The following C4orf51 variants were observed in gnomAD, a reference collection of about 807,000 sequenced individuals.
C4orf51 encodes uncharacterized protein C4orf51.
In C4orf51, 25 loss-of-function variants were observed where a neutral mutation model predicts 25.2. The ratio of observed to expected loss-of-function variants is 0.99; its 90% CI spans 0.72 to 1.39. The LOEUF is 1.39. Ranked by LOEUF, C4orf51 falls within the 40% of genes most tolerant of loss-of-function variation. The probability of loss-of-function intolerance (pLI) is 0.00; values close to 1 mark genes in which losing one functional copy is unlikely to be tolerated. For synonymous variants in C4orf51, 100 were observed against 84.5 expected (o/e 1.18, Z -1.01); for missense variants, 252 against 239.6 (o/e 1.05, Z -0.34).
chr4:145,721,848 C>G (rs181591455), intron 2 of C4orf51, among the ~76,000 whole-genome samples: 33 of 152,266 alleles, frequency 2.2e-4, no homozygotes, highest in Admixed American at 2.1e-3. Context: ...ATGAACAAAC[C>G]ATGTGTCTGC....
the C4orf51 span, among the ~76,000 whole-genome samples, chr4:145,781,985 G>A: frequency 1.3e-3 from 200 of 152,266 alleles, no homozygotes; most frequent in Non-Finnish European, 2.6e-3. Flanking sequence ...GTCTGATTCC[G>A]TCCACTGGTC....
downstream of C4orf51, chr4:145,774,733 T>C: frequency 4.5e-6 from 7 of 1,547,146 alleles, no homozygotes; most frequent in Middle Eastern, 1.7e-4. Flanking sequence ...CTTCTAAATG[T>C]AGGCTGTCCA....
downstream of C4orf51, among the ~76,000 whole-genome samples, chr4:145,735,273 G>T (rs1732745628): frequency 6.6e-6 from 1 of 152,192 alleles, no homozygotes; most frequent in African/African-American, 2.4e-5. Flanking sequence ...TTTCCGAGGT[G>T]CCATTCCTCA....
chr4:145,702,750 C>T (rs1204330606), intron 2 of C4orf51, among the ~76,000 whole-genome samples: 2 of 152,188 alleles, frequency 1.3e-5, no homozygotes, highest in Non-Finnish European at 2.9e-5. Context: ...ACCTTTTATA[C>T]CTGTTTTTCT....
chr4:145,760,417 T>C lies in C4orf51; in HGVS notation n.167-10571T>C, dbSNP rs757119141. ...CAGTATATAAGCTTACAAGTGCTGA[T>C]TGCTATTAAGGACACTCTCTTTAGG... On this transcript the variant is annotated intron_variant and non_coding_transcript_variant, in intron 1 of 1. Coordinates refer to the C4orf51 transcript ENST00000510096. 1.3e-3 allele frequency: 195 copies of C among 153,120 alleles called. 1 individual carries two copies. The highest frequency in any genetic ancestry group is 1.3e-3 in the Non-Finnish European group (88 of 68,738). The allele number at this position is 153,120 out of a possible 1,614,324, so 9.5% of individuals were successfully genotyped here.
intron 1 of C4orf51, among the ~76,000 whole-genome samples, chr4:145,739,005 C>T (rs1464729159): frequency 6.6e-6 from 1 of 152,148 alleles, no homozygotes; most frequent in Non-Finnish European, 1.5e-5. Context: ...TGTCCCTTCC[C>T]TTCCCTCACA....
At chr4:145,787,464 GAA>G in the C4orf51 span, among the ~76,000 whole-genome samples, 26 of 83,212 alleles carry the variant, frequency 3.1e-4, no homozygotes, top group African/African-American at 5.3e-4. Flanking sequence ...TCCGTCTCAG[GAA>G]AAAAAAAAAA....
chr4:145,724,949 G>A (rs116431155), intron 2 of C4orf51, among the ~76,000 whole-genome samples: 2,545 of 149,854 alleles, frequency 0.017, 78 homozygotes, highest in African/African-American at 0.059. Flanking sequence ...CAATGATATC[G>A]TATGTTCTCA....
rs142948635 is a variant in C4orf51 at position 145,749,063 on chromosome 4, G to GTATATATATA, written n.168-5143_168-5142insATATATATAT. ...CCTGGATGCTCCAATGTGTGTGTGT[G>GTATATATATA]TGTATATATATATATATATATATGT... On this transcript the variant is annotated intron_variant and non_coding_transcript_variant, in intron 1 of 1. Coordinates refer to the C4orf51 transcript ENST00000508981. Among the ~76,000 whole-genome samples, 659 of 139,914 alleles carry GTATATATATA rather than the reference G, an allele frequency of 4.7e-3. 2 individuals are homozygous for GTATATATATA. The highest frequency in any genetic ancestry group is 6.6e-3 in the Non-Finnish European group (420 of 64,088). 91.8% of individuals were successfully genotyped at this position (139,914 alleles called of 152,430 possible).
At chr4:145,707,446 A>G (rs1730878876) in intron 2 of C4orf51, among the ~76,000 whole-genome samples, 1 of 152,242 alleles carries the variant, frequency 6.6e-6, no homozygotes, top group Non-Finnish European at 1.5e-5. Flanking sequence ...GAGATTGCTC[A>G]GTTAGATTTT....
downstream of C4orf51, chr4:145,775,959 C>T (rs766235015): frequency 5.6e-6 from 9 of 1,613,996 alleles, no homozygotes; most frequent in Admixed American, 1.3e-4. Flanking sequence ...ATTTTCTTTC[C>T]TCTGGGGGAG....
the C4orf51 span, among the ~76,000 whole-genome samples, chr4:145,792,131 A>G: frequency 1.3e-5 from 2 of 152,346 alleles, no homozygotes; most frequent in Non-Finnish European, 2.9e-5. Flanking sequence ...AAGGAGGCCA[A>G]TACCATGTGT....
At chr4:145,700,387 C>A (rs571322225) in intron 2 of C4orf51, among the ~76,000 whole-genome samples, 1 of 152,018 alleles carries the variant, frequency 6.6e-6, no homozygotes, top group Non-Finnish European at 1.5e-5. Flanking sequence ...TATGGGCAAC[C>A]TTCCACCCTC....
the C4orf51 span, among the ~76,000 whole-genome samples, chr4:145,777,967 A>G: frequency 1.3e-5 from 2 of 152,044 alleles, no homozygotes; most frequent in Non-Finnish European, 2.9e-5. Context: ...TTAAAATTTC[A>G]TTTAAGTATG....
rs1413483702 is a variant in C4orf51, at chr4:145,765,251, T to G, written n.167-5737T>G. 7.2e-7 allele frequency: 1 copy of G among 1,393,576 alleles called. No homozygotes were observed. The highest frequency in any genetic ancestry group is 1.4e-5 in the African/African-American group (1 of 69,236). The allele number at this position is 1,393,576 out of a possible 1,614,324, so 86.3% of individuals were successfully genotyped here. On this transcript the variant is annotated intron_variant and non_coding_transcript_variant, in intron 1 of 1. Coordinates refer to the C4orf51 transcript ENST00000510096. The surrounding 1 kb of genome is among the most constrained non-coding windows in gnomAD (Gnocchi z 4.7). ...TGGAGCCAAGCTCCTCCCCACTTCC[T>G]CCCGCCTCCTCCGACGCCTGACAGC...
rs1732282138 is a variant in C4orf51, at chr4:145,729,199, T to C, written c.397T>C (p.Phe133Leu). The change falls in exon 4 of 6, where the codon TTT (phenylalanine) becomes CTT (leucine). Residue 133 changes from phenylalanine to leucine, a missense_variant. Transcript: ENST00000438731. Reference sequence around the variant, plus strand: ...TCAAATTTGGGATTTTGGTGATTGTTTTCCGACACCTCCAAATTATGGAAA... The same window carrying C: ...TCAAATTTGGGATTTTGGTGATTGTCTTCCGACACCTCCAAATTATGGAAA... ...AHQIWDFGDC[F>L]PTPPNYGKYC... 6.2e-7 allele frequency: 1 copy of C among 1,609,850 alleles called. No individual in the cohort carries two copies. The highest frequency in any genetic ancestry group is 2.2e-5 in the East Asian group (1 of 44,864).
At chr4:145,782,747 G>C in the C4orf51 span, among the ~76,000 whole-genome samples, 1 of 152,314 alleles carries the variant, frequency 6.6e-6, no homozygotes, top group South Asian at 2.1e-4. Flanking sequence ...AGTCCTTCAT[G>C]GCCTGGCTTT....
the C4orf51 span, among the ~76,000 whole-genome samples, chr4:145,792,275 G>A: frequency 6.6e-6 from 1 of 151,836 alleles, no homozygotes; most frequent in Non-Finnish European, 1.5e-5. Context: ...GAGTGTAGAA[G>A]GTCTGATGCA....
intron 1 of C4orf51, among the ~76,000 whole-genome samples, chr4:145,696,216 C>T (rs1483947872): frequency 6.6e-6 from 1 of 152,106 alleles, no homozygotes; most frequent in Non-Finnish European, 1.5e-5. Flanking sequence ...GAGCCAAGAT[C>T]ACACCACTGC....
Sources: gnomAD v4.1 joint callset for allele counts (sites outside exome capture counted in the v4.1 genomes callset) on GRCh38, gnomAD v4.1.1 for gene constraint, Gnocchi (gnomAD v3.1) non-coding constraint, MANE v1.5 for transcripts, NCBI Gene and HGNC (gene_info 2026-07-23, HGNC 2026-07-21) for gene names.